EFCAB6: variants seen among roughly 807,000 people sequenced by gnomAD.
EFCAB6 encodes EF-hand calcium binding domain 6, also known as EF-hand calcium-binding domain-containing protein 6.
Under a neutral mutation model 169.8 loss-of-function variants are expected in EFCAB6, and 156 were observed. The observed-to-expected ratio is 0.92, with a 90% CI of 0.81 to 1.05. The LOEUF is 1.05. Among genes scored for constraint, EFCAB6 ranks in the 50% least tolerant of loss-of-function variants. The probability of loss-of-function intolerance (pLI) is 0.00; values close to 1 mark genes in which losing one functional copy is unlikely to be tolerated. For synonymous variants in EFCAB6, 698 were observed against 676.4 expected, an observed-to-expected ratio of 1.03 and a Z score of -0.50; for missense variants, 1,800 against 1,829.1, an observed-to-expected ratio of 0.98 and a Z score of 0.29.
intron 10 of EFCAB6, among the ~76,000 whole-genome samples, chr22:43,707,224 G>C (rs1368523805): frequency 6.6e-6 from 1 of 152,156 alleles, no homozygotes; most frequent in Non-Finnish European, 1.5e-5. Context: ...TAGAAAAATA[G>C]CCAAAATGCA....
chr22:43,678,329 C>CTGTG (rs137787), intron 12 of EFCAB6, among the ~76,000 whole-genome samples, 166 bp from the exon 13 acceptor site: 3,841 of 144,318 alleles, frequency 0.027, 97 homozygotes, highest in Middle Eastern at 0.07. Flanking sequence ...AACATGAGCA[C>CTGTG]TGTGTGTGTG....
intron 1 of EFCAB6, among the ~76,000 whole-genome samples, chr22:43,811,235 G>A (rs1229270607): frequency 1.3e-5 from 2 of 149,538 alleles, no homozygotes; most frequent in East Asian, 4.0e-4. Flanking sequence ...AGCTGGGATC[G>A]CTGCACTCCA....
Position 43,590,089 on chromosome 22 carries a change from G to T in EFCAB6, c.3017C>A (p.Thr1006Asn). The change falls in exon 24 of 32, where the codon ACC (threonine) becomes AAC (asparagine). Residue 1006 changes from threonine to asparagine, a missense_variant. Thr to Asn is a moderately conservative substitution (Grantham distance 65). Transcript: ENST00000262726. ...CCAAAAAGACCTGTTTAGCAGATGG[G>T]TCAGCTCCCCTTCGGTAAGAGAACA... is the stretch of plus-strand genomic sequence containing the variant. ...CGCSLTEGEL[T>N]HLLNSWGVSR... is the part of the protein sequence containing the mutation. 1 of 1,613,878 alleles carries T rather than the reference G, an allele frequency of 6.2e-7. No individual in the cohort carries two copies. The highest frequency in any genetic ancestry group is 8.5e-7 in the Non-Finnish European group (1 of 1,179,904).
intron 8 of EFCAB6, among the ~76,000 whole-genome samples, chr22:43,730,769 C>T (rs906917648): frequency 2.6e-5 from 4 of 152,124 alleles, no homozygotes; most frequent in Non-Finnish European, 4.4e-5. Flanking sequence ...GAAGAGGCGA[C>T]GCAGGAACAC....
chr22:43,681,289 C>T (rs2057996361), intron 12 of EFCAB6, among the ~76,000 whole-genome samples: 1 of 152,230 alleles, frequency 6.6e-6, no homozygotes, highest in Non-Finnish European at 1.5e-5. Flanking sequence ...ACCAACTTTG[C>T]AATCCTGGGA....
Position 43,687,497 on chromosome 22 carries a change from A to G in EFCAB6, c.1116T>C (p.Ser372=). 6.7e-7 allele frequency: 1 copy of G among 1,503,176 alleles called. No homozygotes were observed. The highest frequency in any genetic ancestry group is 8.9e-7 in the Non-Finnish European group (1 of 1,124,492). The allele number at this position is 1,503,176 out of a possible 1,614,324, so 93.1% of individuals were successfully genotyped here. The change falls in exon 11 of 32, where the codon AGT becomes AGC. Residue 372 remains serine (S), a synonymous_variant. Transcript: ENST00000262726. ...FHEPQGLQVS[S]KGPLTKRNSI... ...TATTTCTTTTTGTCAGGGGACCTTT[A>G]CTGCTAACTTGCAACCCCTGAGGCT... is the stretch of plus-strand genomic sequence containing the variant.
Position 43,795,721 on chromosome 22 carries a change from C to T in EFCAB6, c.-8+13274G>A, listed in dbSNP as rs2062481087. 6.6e-6 allele frequency among the ~76,000 whole-genome samples: 1 copy of T among 152,012 alleles called. No homozygotes were observed. Among genetic ancestry groups the T allele is most frequent in the Non-Finnish European group, 1.5e-5 (1 of 68,000 alleles). ...AAAAGGGTGTGTTTACACCACTCTA[C>T]CCCCAGCCCCGAAGTACTCAGCACG... On this transcript the variant is annotated intron_variant, in intron 2 of 31. Transcript: ENST00000262726. The surrounding 1 kb of genome is among the most constrained non-coding windows in gnomAD (Gnocchi z 4.2).
At chr22:43,634,394 G>C (rs919598885) in intron 18 of EFCAB6, among the ~76,000 whole-genome samples, 4 of 152,088 alleles carry the variant, frequency 2.6e-5, no homozygotes, top group Non-Finnish European at 5.9e-5. Context: ...TCCAGCCTGA[G>C]TCTCTGGGAA....
At chr22:43,634,175 C>T (rs1198092305) in intron 18 of EFCAB6, among the ~76,000 whole-genome samples, 1 of 152,158 alleles carries the variant, frequency 6.6e-6, no homozygotes, top group South Asian at 2.1e-4. Flanking sequence ...AAAATGAATA[C>T]ACCTGGCAGG....
chr22:43,798,949 T>C (rs2062606766), intron 2 of EFCAB6, among the ~76,000 whole-genome samples: 1 of 152,208 alleles, frequency 6.6e-6, no homozygotes, highest in Non-Finnish European at 1.5e-5. Flanking sequence ...GGTCTCCAAC[T>C]TCACCTCTGA....
intron 17 of EFCAB6, among the ~76,000 whole-genome samples, chr22:43,653,924 T>C (rs2056608382): frequency 6.6e-6 from 1 of 151,742 alleles, no homozygotes; most frequent in African/African-American, 2.4e-5. Flanking sequence ...TAAGTAGGAA[T>C]AAAGAAATAA....
chr22:43,624,073 C>T (rs1427592050), intron 20 of EFCAB6, among the ~76,000 whole-genome samples: 1 of 152,128 alleles, frequency 6.6e-6, no homozygotes, highest in Admixed American at 6.5e-5. Context: ...TTATCTGTGT[C>T]CTTATGGACA....
At chr22:43,574,321 A>C (rs1159179309) in intron 26 of EFCAB6, among the ~76,000 whole-genome samples, 1 of 152,174 alleles carries the variant, frequency 6.6e-6, no homozygotes, top group Non-Finnish European at 1.5e-5. Context: ...AGAAAAAAAA[A>C]AACTTCTTTA....
At position 43,670,643 on chromosome 22, in the gene EFCAB6, C is replaced by T. The variant is rs79169414; in HGVS notation, c.1640+1330G>A. Among the ~76,000 whole-genome samples the T allele has an allele frequency of 5.2e-3, 791 of 152,348 alleles. 2 individuals carry two copies. The highest frequency in any genetic ancestry group is 0.018 in the African/African-American group (764 of 41,574). The stretch of plus-strand genomic sequence containing the variant: ...TAAGTGCTCACTAGTATTATAATCG[C>T]TCCCATAAATATTCATGTGGCTACG... On this transcript the variant is annotated intron_variant, in intron 15 of 31. Coordinates refer to ENST00000262726, the MANE Select transcript of EFCAB6 (RefSeq NM_022785.4).
chr22:43,710,355 A>T (rs1363719552), intron 10 of EFCAB6, among the ~76,000 whole-genome samples: 4 of 152,236 alleles, frequency 2.6e-5, no homozygotes, highest in African/African-American at 9.6e-5. Context: ...ACTGGCCAAG[A>T]TGGAACAAAT....
intron 6 of EFCAB6, among the ~76,000 whole-genome samples, chr22:43,750,423 G>A (rs1005627414): frequency 3.6e-4 from 55 of 152,242 alleles, no homozygotes; most frequent in Middle Eastern, 3.4e-3. Context: ...TCTGCGGGGA[G>A]GAAACAGTGT....
chr22:43,550,290 A>T (rs1351206187), intron 27 of EFCAB6, among the ~76,000 whole-genome samples: 1 of 152,128 alleles, frequency 6.6e-6, no homozygotes, highest in Non-Finnish European at 1.5e-5. Flanking sequence ...CACGACTGAA[A>T]CCTAAGTCCA....
At chr22:43,583,204 C>T (rs558340293) in intron 24 of EFCAB6, among the ~76,000 whole-genome samples, 1 of 152,056 alleles carries the variant, frequency 6.6e-6, no homozygotes, top group East Asian at 2.0e-4. Flanking sequence ...ATGTTTCTTG[C>T]CCAGCTGTCT....
At chr22:43,647,644 A>G (rs1387992203) in intron 17 of EFCAB6, among the ~76,000 whole-genome samples, 4 of 152,246 alleles carry the variant, frequency 2.6e-5, no homozygotes, top group Non-Finnish European at 4.4e-5. Flanking sequence ...GTTAAGATGA[A>G]GTCGTGCTGG....
Sources: gnomAD v4.1 joint callset for allele counts (sites outside exome capture counted in the v4.1 genomes callset) on GRCh38, gnomAD v4.1.1 for gene constraint, Gnocchi (gnomAD v3.1) non-coding constraint, MANE v1.5 for transcripts, NCBI Gene and HGNC (gene_info 2026-07-23, HGNC 2026-07-21) for gene names.